DOC2A: variants seen among roughly 807,000 people sequenced by gnomAD.
The protein encoded by DOC2A is double C2 domain alpha, also known as double C2-like domain-containing protein alpha.
Under a neutral mutation model 40.6 loss-of-function variants are expected in DOC2A, and 28 were observed. The ratio of observed to expected loss-of-function variants is 0.69; its 90% CI spans 0.51 to 0.95. The LOEUF is 0.95. Ranked by LOEUF, DOC2A falls within the 40% of genes least tolerant of loss-of-function variation. The pLI, the probability that DOC2A is intolerant of heterozygous loss-of-function variation, is 0.00. For synonymous variants in DOC2A, 241 were observed against 236.9 expected (o/e 1.02, Z -0.16); for missense variants, 474 against 552.5 (o/e 0.86, Z 1.42).
At chr16:30,022,968 A>G (rs1596719678), upstream of DOC2A, 2 of 178,292 alleles carry the variant, frequency 1.1e-5, no homozygotes, top group East Asian at 2.7e-4. Flanking sequence ...CTCCAAAAAA[A>G]TGAAAATAAA....
chr16:30,005,778 G>A lies in DOC2A; in HGVS notation c.*408C>T. 2 of 472,688 alleles carry A rather than the reference G, an allele frequency of 4.2e-6. No homozygotes were observed. 29.3% of individuals were successfully genotyped at this position (472,688 alleles called of 1,614,324 possible). On this transcript the variant is annotated 3_prime_UTR_variant, in exon 11 of 11. Coordinates refer to ENST00000350119, the MANE Select transcript of DOC2A (RefSeq NM_003586.3). ...TTTTCAATGAAGTTTCTGTATTAAA[G>A]GAGTGGCTCTGGGTTTGTTTTTTGT...
At chr16:30,007,408 T>G in intron 5 of DOC2A, 109 bp from the exon 6 acceptor site, 1 of 1,488,890 alleles carries the variant, frequency 6.7e-7, no homozygotes, top group South Asian at 1.1e-5. Context: ...ACGTCTCATC[T>G]GGAAGACAGG....
chr16:30,010,420 C>T lies in DOC2A; in HGVS notation c.-13-185G>A, dbSNP rs2070747795. ...GGGCCCTGCAGACCCCAAGCTGACTCCACAGGGGCTGGGCTGCCAACCCAC... is the reference window on the plus strand; with the variant it reads ...GGGCCCTGCAGACCCCAAGCTGACTTCACAGGGGCTGGGCTGCCAACCCAC... On this transcript the variant is annotated intron_variant, in intron 1 of 10. Coordinates refer to ENST00000350119, the MANE Select transcript of DOC2A (RefSeq NM_003586.3). This position sits in a 1 kb window ranked among gnomAD's most constrained non-coding sequence, Gnocchi z 4.2. The T allele has an allele frequency of 1.3e-6, 1 of 762,390 alleles. No homozygotes were observed. Among genetic ancestry groups the T allele is most frequent in the Middle Eastern group, 3.7e-4 (1 of 2,732 alleles). The allele number at this position is 762,390 out of a possible 1,614,324, so 47.2% of individuals were successfully genotyped here.
chr16:30,014,305 C>T (rs567492071), upstream of DOC2A, among the ~76,000 whole-genome samples: 68 of 151,618 alleles, frequency 4.5e-4, no homozygotes, highest in African/African-American at 1.6e-3. Flanking sequence ...CTGTGCCTGG[C>T]CCTAGAATCA....
At position 30,010,422 on chromosome 16, in the gene DOC2A, A is replaced by C; in HGVS notation, c.-13-187T>G. ...GCCCTGCAGACCCCAAGCTGACTCC[A>C]CAGGGGCTGGGCTGCCAACCCACTC... On this transcript the variant is annotated intron_variant, in intron 1 of 10. Transcript: ENST00000350119. This position sits in a 1 kb window ranked among gnomAD's most constrained non-coding sequence, Gnocchi z 4.2. 1 of 756,634 alleles carries C rather than the reference A, an allele frequency of 1.3e-6. No homozygotes were observed. 46.9% of individuals were successfully genotyped at this position (756,634 alleles called of 1,614,324 possible).
rs183616082 is a variant in DOC2A, at chr16:30,010,320, G to C, written c.-13-85C>G. Reference sequence around the variant, plus strand: ...AGGCGACGGCCTCCTCGGTCTGTGGGGCCCTCACTGGCCTCCCTTCCTAGG... The same window carrying C: ...AGGCGACGGCCTCCTCGGTCTGTGGCGCCCTCACTGGCCTCCCTTCCTAGG... On this transcript the variant is annotated intron_variant, in intron 1 of 10. Transcript: ENST00000350119. This position sits in a 1 kb window ranked among gnomAD's most constrained non-coding sequence, Gnocchi z 4.2. 1.8e-4 allele frequency: 276 copies of C among 1,547,750 alleles called. No individual in the cohort carries two copies. Among genetic ancestry groups the C allele is most frequent in the Non-Finnish European group, 2.0e-4 (228 of 1,133,126 alleles).
chr16:30,017,732 G>A (rs988314550), intron 1 of DOC2A, among the ~76,000 whole-genome samples: 3 of 152,012 alleles, frequency 2.0e-5, no homozygotes, highest in Admixed American at 1.3e-4. Flanking sequence ...CAAGGTGGGC[G>A]GATTGCTTGA....
At chr16:30,023,022 G>T, upstream of DOC2A, 1 of 256,916 alleles carries the variant, frequency 3.9e-6, no homozygotes, top group East Asian at 7.7e-5. Context: ...GTAACCGGAG[G>T]TGTGTGGCCC....
At chr16:30,014,763 C>T (rs544685850), upstream of DOC2A, among the ~76,000 whole-genome samples, 6 of 151,880 alleles carry the variant, frequency 4.0e-5, no homozygotes, top group South Asian at 4.2e-4. Flanking sequence ...CATGCTGAAA[C>T]GCTGTCTCTA....
chr16:30,017,466 A>G (rs2150963487), intron 1 of DOC2A, among the ~76,000 whole-genome samples: 1 of 152,344 alleles, frequency 6.6e-6, no homozygotes. Flanking sequence ...CAGCCATAAA[A>G]AAGAATGAAA....
rs1251877995 is a variant in DOC2A, at chr16:30,009,292, G to A, written c.343-16C>T. On this transcript the variant is annotated splice_polypyrimidine_tract_variant and intron_variant, in intron 3 of 10. Coordinates refer to ENST00000350119, the MANE Select transcript of DOC2A (RefSeq NM_003586.3). The surrounding 1 kb of genome is among the most constrained non-coding windows in gnomAD (Gnocchi z 4.1). ...GCTTGAGGCCCTGGAGAGGAGGGCA[G>A]GGGAGAGGGCTAGAGGCTCCCGGCA... is the stretch of plus-strand genomic sequence containing the variant. 2 of 1,552,660 alleles carry A rather than the reference G, an allele frequency of 1.3e-6. No homozygotes were observed. The highest frequency in any genetic ancestry group is 1.7e-6 in the Non-Finnish European group (2 of 1,147,548).
At position 30,010,186 on chromosome 16, in the gene DOC2A, T is replaced by G; in HGVS notation, c.37A>C (p.Ile13Leu). Reference sequence around the variant, plus strand: ...ACGTTGATGGCCATGTGCTCCTGGATGTTGATGGTCATGCGATCGCCCCTG... The same window carrying G: ...ACGTTGATGGCCATGTGCTCCTGGAGGTTGATGGTCATGCGATCGCCCCTG... ...GRRGDRMTIN[I>L]QEHMAINVCP... The change falls in exon 2 of 11, where the codon ATC becomes CTC. Residue 13 changes from isoleucine (I) to leucine (L), a missense_variant. Coordinates refer to ENST00000350119, the MANE Select transcript of DOC2A (RefSeq NM_003586.3). The surrounding 1 kb of genome is among the most constrained non-coding windows in gnomAD (Gnocchi z 4.2). 2 of 1,613,998 alleles carry G rather than the reference T, an allele frequency of 1.2e-6. No homozygotes were observed. The highest frequency in any genetic ancestry group is 1.7e-6 in the Non-Finnish European group (2 of 1,179,948).
rs1349111993 is a variant in DOC2A at position 30,009,781 on chromosome 16, C to G, written c.262+180G>C. 3.3e-5 allele frequency among the ~76,000 whole-genome samples: 5 copies of G among 152,114 alleles called. No homozygotes were observed. The highest frequency in any genetic ancestry group is 7.4e-5 in the Non-Finnish European group (5 of 68,004). On this transcript the variant is annotated intron_variant, in intron 2 of 10. Coordinates refer to ENST00000350119, the MANE Select transcript of DOC2A (RefSeq NM_003586.3). The surrounding 1 kb of genome is among the most constrained non-coding windows in gnomAD (Gnocchi z 4.1). ...CTCAGCAGAAATACTGAATATTGAG[C>G]CTTGCTGAAGCTGTAATCTCCACGC...
In DOC2A at chr16:30,009,107, T is replaced by A; in HGVS notation, c.418-2A>T. On this transcript the variant is annotated splice_acceptor_variant, in intron 4 of 10. Transcript: ENST00000350119. LOFTEE classifies it high-confidence loss of function. The surrounding 1 kb of genome is among the most constrained non-coding windows in gnomAD (Gnocchi z 4.1). ...AGTCTTCGTTTTTAGCTTATTGGCC[T>A]GGGATGTGGGGATGAAAGGTTCTCA... 6 of 1,595,552 alleles carry A rather than the reference T, an allele frequency of 3.8e-6. No individual in the cohort carries two copies. The highest frequency in any genetic ancestry group is 5.1e-6 in the Non-Finnish European group (6 of 1,169,760).
chr16:30,007,378 C>A, intron 5 of DOC2A, 79 bp from the exon 6 acceptor site: 1 of 1,592,628 alleles, frequency 6.3e-7, no homozygotes, highest in Non-Finnish European at 8.6e-7. Flanking sequence ...TTGGACCAGC[C>A]CAGCTCTGCC....
chr16:30,011,082 G>A, upstream of DOC2A: 1 of 955,012 alleles, frequency 1.0e-6, no homozygotes, highest in Middle Eastern at 5.4e-4. Context: ...GCGGCGGCGG[G>A]GGACGGGGAG....
In DOC2A at chr16:30,006,870, G is replaced by C; in HGVS notation, c.793C>G (p.Arg265Gly). ...AAGATGCCTACCAGCAGTCCCCGGCGCCGCGAGCTGTAGCTGAGACTCAGC... is the reference window on the plus strand; with the variant it reads ...AAGATGCCTACCAGCAGTCCCCGGCCCCGCGAGCTGTAGCTGAGACTCAGC... ...ILLSLSYSSRRRGLLVGILRC... is the reference protein window; with the variant it reads ...ILLSLSYSSRGRGLLVGILRC... The change falls in exon 8 of 11, where the codon CGC becomes GGC. Residue 265 changes from arginine (R) to glycine (G), a missense_variant. Physicochemically the swap from Arg to Gly is moderately radical, Grantham distance 125 (BLOSUM62 -2). Transcript: ENST00000350119. This position sits in a 1 kb window ranked among gnomAD's most constrained non-coding sequence, Gnocchi z 6.2. The C allele has an allele frequency of 6.2e-7, 1 of 1,613,474 alleles. No homozygotes were observed. The highest frequency in any genetic ancestry group is 1.1e-5 in the South Asian group (1 of 91,046).
In DOC2A at chr16:30,018,399, C is replaced by T. The variant is rs1382721440; in HGVS notation, c.-376+2784G>A. 1.3e-5 allele frequency among the ~76,000 whole-genome samples: 2 copies of T among 152,090 alleles called. 1 individual carries two copies. The highest frequency in any genetic ancestry group is 4.8e-5 in the African/African-American group (2 of 41,432). On this transcript the variant is annotated intron_variant, in intron 1 of 5. Coordinates refer to the DOC2A transcript ENST00000574405. ...GTAGCAGCACGATCATGGCTCACTT[C>T]AACCTTGAACTCCTGGCCTCCAGTG...
At chr16:30,012,649 A>C (rs2070802745), upstream of DOC2A, 4 of 148,900 alleles carry the variant, frequency 2.7e-5, no homozygotes, top group Admixed American at 2.0e-4. Context: ...GAGTGAAGCC[A>C]GCCTGGGCAA....
Sources: gnomAD v4.1 joint callset for allele counts (sites outside exome capture counted in the v4.1 genomes callset) on GRCh38, gnomAD v4.1.1 for gene constraint, Gnocchi (gnomAD v3.1) non-coding constraint, MANE v1.5 for transcripts, NCBI Gene and HGNC (gene_info 2026-07-23, HGNC 2026-07-21) for gene names.